SUN1: variants seen among roughly 807,000 people sequenced by gnomAD.
SUN1 encodes the protein SUN domain-containing protein 1.
Under a neutral mutation model 103.2 loss-of-function variants are expected in SUN1, and 61 were observed. The observed-to-expected ratio is 0.59, with a 90% confidence interval of 0.48 to 0.73. The LOEUF (loss-of-function observed/expected upper bound fraction) is 0.73. Among genes scored for constraint, SUN1 ranks in the 30% least tolerant of loss-of-function variants. The probability of loss-of-function intolerance (pLI) is 0.00; values close to 1 mark genes in which losing one functional copy is unlikely to be tolerated. For missense variants in SUN1, 1,052 were observed against 1,034.6 expected (o/e 1.02, Z -0.23); for synonymous variants, 490 against 425.7 (o/e 1.15, Z -1.86).
chr7:833,958 CTT>C (rs1261072816), intron 1 of SUN1, among the ~76,000 whole-genome samples: 1 of 152,224 alleles, frequency 6.6e-6, no homozygotes, highest in African/African-American at 2.4e-5. Context: ...GAGAGCAACA[CTT>C]AATTTCACTG....
chr7:836,156 G>A (rs1056328851), intron 1 of SUN1, among the ~76,000 whole-genome samples: 4 of 152,190 alleles, frequency 2.6e-5, no homozygotes, highest in Non-Finnish European at 5.9e-5. Context: ...CGTGGGCTGA[G>A]CCAAGCGTGT....
intron 15 of SUN1, among the ~76,000 whole-genome samples, chr7:862,091 G>C (rs533052627): frequency 5.9e-5 from 9 of 152,360 alleles, no homozygotes; most frequent in African/African-American, 1.7e-4. Context: ...CGAAAGAACC[G>C]TGAGAGGAGA....
chr7:851,340 G>T (rs1272249448), intron 5 of SUN1, 44 bp from the exon 6 acceptor site: 3 of 1,524,444 alleles, frequency 2.0e-6, no homozygotes, highest in East Asian at 2.5e-5. Context: ...GCAGAGGCTG[G>T]TCCCTGGCGT....
At chr7:842,922 G>C in intron 3 of SUN1, 1 of 564,850 alleles carries the variant, frequency 1.8e-6, no homozygotes, top group South Asian at 2.2e-5. Flanking sequence ...TGAGAAGATA[G>C]ATGGGCTTTC....
intron 1 of SUN1, among the ~76,000 whole-genome samples, chr7:834,349 G>A (rs1800856773): frequency 6.6e-6 from 1 of 152,188 alleles, no homozygotes; most frequent in African/African-American, 2.4e-5. Flanking sequence ...GGAGATGGCC[G>A]GAGTGCCTCG....
rs539468692 is a variant in SUN1 at position 866,000 on chromosome 7, C to T, written c.1913C>T (p.Thr638Met). The change falls in exon 16 of 19, where the codon ACG becomes ATG. Residue 638 changes from threonine to methionine, a missense_variant. Transcript: ENST00000401592. ...TRCSETYETK[T>M]ALMSLFGIPL... ...TGTTCTGAAACTTACGAAACCAAAA[C>T]GGCGCTGATGAGTCTGTTTGGGATC... 4.3e-6 allele frequency: 7 copies of T among 1,614,034 alleles called. No individual in the cohort carries two copies. The highest frequency in any genetic ancestry group is 5.9e-6 in the Non-Finnish European group (7 of 1,180,032).
chr7:858,224 T>G (rs1462329159), intron 13 of SUN1, among the ~76,000 whole-genome samples: 1 of 152,070 alleles, frequency 6.6e-6, no homozygotes, highest in African/African-American at 2.4e-5. Flanking sequence ...CCGGCTAATT[T>G]TTGTATTTTT....
In SUN1 at chr7:855,085, T is replaced by C; in HGVS notation, c.1350+79T>C. 3 of 1,104,636 alleles carry C rather than the reference T, an allele frequency of 2.7e-6. 1 individual carries two copies. The South Asian group carries it at 4.2e-5, about 15-fold the overall frequency. The allele number at this position is 1,104,636 out of a possible 1,614,324, so 68.4% of individuals were successfully genotyped here. A position where few individuals can be genotyped will look rare whatever the true frequency, so the allele number is the denominator to read the frequency against. On this transcript the variant is annotated intron_variant, in intron 11 of 18. Coordinates refer to ENST00000401592, the MANE Select transcript of SUN1 (RefSeq NM_001130965.3). Reference sequence around the variant, plus strand: ...CTAATATTTTAAAGCCCTTTGGTCATTTAATGTTCCTCTTTTTAGGCTATT... The same window carrying C: ...CTAATATTTTAAAGCCCTTTGGTCACTTAATGTTCCTCTTTTTAGGCTATT...
intron 3 of SUN1, chr7:842,915 G>A: frequency 3.6e-6 from 2 of 554,976 alleles, no homozygotes; most frequent in East Asian, 3.2e-5. Context: ...CGGGCTGTGA[G>A]AAGATAGATG....
intron 1 of SUN1, among the ~76,000 whole-genome samples, chr7:837,159 G>A (rs762358949): frequency 2.0e-5 from 3 of 152,230 alleles, no homozygotes; most frequent in Non-Finnish European, 2.9e-5. Flanking sequence ...GGGAACCCTC[G>A]TGAGCTGAAG....
rs1829031013 is a variant in SUN1 at position 857,964 on chromosome 7, T to C, written c.1524+7T>C. On this transcript the variant is annotated splice_region_variant and intron_variant, in intron 13 of 18. Transcript: ENST00000401592. ...GGATGCCGTACAAGAAAGAGTGAGCTTTCTGCATGTTTACTTTTTGTTTTA... is the reference window on the plus strand; with the variant it reads ...GGATGCCGTACAAGAAAGAGTGAGCCTTCTGCATGTTTACTTTTTGTTTTA... The C allele has an allele frequency of 1.3e-6, 2 of 1,544,958 alleles. No individual in the cohort carries two copies. Among genetic ancestry groups the C allele is most frequent in the African/African-American group, 2.7e-5 (2 of 72,774 alleles).
chr7:840,817 AT>A (rs1250855551), intron 2 of SUN1, among the ~76,000 whole-genome samples: 1 of 146,514 alleles, frequency 6.8e-6, no homozygotes, highest in African/African-American at 2.5e-5. Flanking sequence ...AATTTTTTGT[AT>A]TTTTAGTAGA....
chr7:834,635 C>CT (rs1367045571), intron 1 of SUN1, among the ~76,000 whole-genome samples: 4 of 152,208 alleles, frequency 2.6e-5, no homozygotes, highest in Admixed American at 2.6e-4. Context: ...TCTTGCAGCC[C>CT]TCCCCGCACA....
chr7:841,828 A>G, intron 2 of SUN1, 118 bp from the exon 3 acceptor site: 3 of 1,099,502 alleles, frequency 2.7e-6, no homozygotes, highest in Non-Finnish European at 3.9e-6. Context: ...AGGCATAGGA[A>G]AATGGTTTGC....
chr7:843,384 C>T lies in SUN1; in HGVS notation c.522C>T (p.Ala174=), dbSNP rs761101698. Reference sequence around the variant, plus strand: ...TTCAGGGAAACGGGGATGTGGGAGCCGCCGCCGCCACCGCGCACAACGGCT... The same window carrying T: ...TTCAGGGAAACGGGGATGTGGGAGCTGCCGCCGCCACCGCGCACAACGGCT... ...AAIQGNGDVG[A]AAATAHNGFS... is the part of the protein sequence containing the mutation. The change falls in exon 5 of 19, where the codon GCC becomes GCT. Residue 174 remains alanine, a synonymous_variant. Transcript: ENST00000401592. The T allele has an allele frequency of 9.3e-6, 15 of 1,608,872 alleles. No homozygotes were observed. The highest frequency in any genetic ancestry group is 2.2e-5 in the South Asian group (2 of 90,306).
chr7:863,047 C>T (rs1387948904), intron 15 of SUN1, among the ~76,000 whole-genome samples: 2 of 152,168 alleles, frequency 1.3e-5, no homozygotes, highest in African/African-American at 4.8e-5. Flanking sequence ...GAGGCTAAGG[C>T]AGGAGAATGG....
At chr7:858,496 A>G (rs1250167810) in intron 13 of SUN1, among the ~76,000 whole-genome samples, 1 of 152,108 alleles carries the variant, frequency 6.6e-6, no homozygotes, top group Admixed American at 6.5e-5. Context: ...AGCACCCACC[A>G]TGCGTCTTCC....
At chr7:858,246 G>A (rs975905592) in intron 13 of SUN1, among the ~76,000 whole-genome samples, 9 of 152,186 alleles carry the variant, frequency 5.9e-5, no homozygotes, top group African/African-American at 2.2e-4. Context: ...GTAGAGGTGG[G>A]GTTTCACCAC....
intron 17 of SUN1, among the ~76,000 whole-genome samples, chr7:870,030 C>T (rs1255034676): frequency 1.4e-5 from 2 of 143,980 alleles, no homozygotes; most frequent in Non-Finnish European, 3.0e-5. Context: ...CGCGTCTCTA[C>T]TAAAATATAC....
Sources: allele counts gnomAD v4.1 joint callset (sites outside exome capture counted in the v4.1 genomes callset), GRCh38; gene constraint gnomAD v4.1.1; transcripts MANE v1.5; gene names NCBI Gene and HGNC (gene_info 2026-07-23, HGNC 2026-07-21).